ABHD18: variants seen among roughly 807,000 people sequenced by gnomAD.
ABHD18 encodes cardiolipin-specific deacylase, mitochondrial.
ABHD18 carries 55 observed loss-of-function variants against 65.9 expected under a neutral mutation model. The observed-to-expected ratio is 0.84, with a 90% CI of 0.67 to 1.05. ABHD18 has a LOEUF of 1.05. Ranked by LOEUF, ABHD18 falls within the 50% of genes least tolerant of loss-of-function variation. The pLI is 0.00. For missense variants in ABHD18, 533 were observed against 558.5 expected (o/e 0.95, Z 0.46); for synonymous variants, 181 against 180.2 (o/e 1.00, Z -0.04).
chr4:128,020,602 G>A (rs985320444), intron 9 of ABHD18, among the ~76,000 whole-genome samples: 55 of 152,136 alleles, frequency 3.6e-4, no homozygotes, highest in African/African-American at 1.1e-3. Context: ...AGCAGAAACC[G>A]CATTGTTTAT....
chr4:128,021,172 G>A lies in ABHD18; in HGVS notation c.735G>A (p.Leu245=). The A allele has an allele frequency of 6.5e-7, 1 of 1,548,422 alleles. No individual in the cohort carries two copies. Among genetic ancestry groups the A allele is most frequent in the Non-Finnish European group, 8.7e-7 (1 of 1,145,224 alleles). The stretch of plus-strand genomic sequence containing the variant: ...GTAAATCAATTAATTGGAGGGAGCT[G>A]GAAAAGCAATATTATACCCAGACAG... ...VLSKSINWRE[L]EKQYYTQTVY... Residue 245 remains leucine, a synonymous_variant, in exon 10 of 13, where the codon CTG becomes CTA. Transcript: ENST00000645843.
At chr4:127,974,547 A>G (rs1470380631) in intron 1 of ABHD18, among the ~76,000 whole-genome samples, 2 of 151,064 alleles carry the variant, frequency 1.3e-5, no homozygotes, top group African/African-American at 2.4e-5. Context: ...AATTTTTTGT[A>G]TTTATTGTAG....
rs140238890 is a variant in ABHD18 at position 127,998,588 on chromosome 4, G to T, written c.278+8767G>T. ...CTGGATCTCACTGTTGGCCAAGCTGGTCTCAAACTCCTGGACTGAAGTGAT... is the reference window on the plus strand; with the variant it reads ...CTGGATCTCACTGTTGGCCAAGCTGTTCTCAAACTCCTGGACTGAAGTGAT... On this transcript the variant is annotated intron_variant, in intron 4 of 12. Transcript: ENST00000645843. 1.4e-3 allele frequency among the ~76,000 whole-genome samples: 218 copies of T among 150,952 alleles called. 1 individual carries two copies. Among genetic ancestry groups the T allele is most frequent in the African/African-American group, 4.6e-3 (187 of 41,096 alleles).
At chr4:128,011,609 G>C in intron 6 of ABHD18, 64 bp from the exon 7 acceptor site, 1 of 1,251,924 alleles carries the variant, frequency 8.0e-7, no homozygotes. Context: ...ACTATTTAAT[G>C]TACTCTCAGA....
At chr4:127,989,937 AGGC>A in intron 4 of ABHD18, 116 bp downstream of exon 4, 1 of 572,190 alleles carries the variant, frequency 1.7e-6, no homozygotes, top group East Asian at 2.9e-5. Context: ...ATTATTGAAA[AGGC>A]TGAATTAGAA....
Position 128,020,094 on chromosome 4 carries a change from G to A in ABHD18, c.624G>A (p.Ala208=), listed in dbSNP as rs758965554. 2.5e-5 allele frequency: 41 copies of A among 1,612,272 alleles called. 1 individual carries two copies. The highest frequency in any genetic ancestry group is 1.2e-4 in the South Asian group (11 of 90,846). The change falls in exon 9 of 13, where the codon GCG becomes GCA. Residue 208 remains alanine, a synonymous_variant. Coordinates refer to ENST00000645843, the MANE Select transcript of ABHD18 (RefSeq NM_001358451.3). ...TTATATTACAGATGGCTTCCTTAGC[G>A]GTATCCAACTGGCCTAAGCCCATGC... ...ISMGGHMASL[A]VSNWPKPMPL...
chr4:127,994,850 G>A (rs1751481664), intron 4 of ABHD18, among the ~76,000 whole-genome samples: 1 of 151,884 alleles, frequency 6.6e-6, no homozygotes, highest in South Asian at 2.1e-4. Context: ...AAATATTTAG[G>A]GATAAAGCAC....
chr4:127,965,686 G>A, intron 1 of ABHD18, 80 bp downstream of exon 1: 1 of 174,334 alleles, frequency 5.7e-6, no homozygotes, highest in Non-Finnish European at 1.3e-5. Context: ...GCGCCTGGAG[G>A]CAGGGACCGG....
chr4:127,989,722 T>C lies in ABHD18; in HGVS notation c.179T>C (p.Ile60Thr). Residue 60 changes from isoleucine to threonine, a missense_variant and splice_region_variant, in exon 4 of 13, where the codon ATT becomes ACT. Ile to Thr is a moderately conservative substitution (Grantham distance 89). Around this residue, in one of 3 missense-constraint regions of ABHD18, gnomAD observed 309 missense variants for 313.5 expected, o/e 0.99. Transcript: ENST00000645843. ...ATCTTGGTTTTGATTTTCTTTTAGATTGAAGAGCAATCAGATTGTAAGATC... is the reference window on the plus strand; with the variant it reads ...ATCTTGGTTTTGATTTTCTTTTAGACTGAAGAGCAATCAGATTGTAAGATC... ...SSDYPVHIDK[I>T]EEQSDCKILD... 1.3e-6 allele frequency: 2 copies of C among 1,573,428 alleles called. No homozygotes were observed. Among genetic ancestry groups the C allele is most frequent in the Non-Finnish European group, 1.7e-6 (2 of 1,159,248 alleles).
intron 4 of ABHD18, chr4:128,001,837 T>A: frequency 7.3e-7 from 1 of 1,361,922 alleles, no homozygotes; most frequent in Non-Finnish European, 9.5e-7. Context: ...TTGAGTTTTG[T>A]TTTGTTTTGT....
At chr4:127,998,579 G>A (rs1188473538) in intron 4 of ABHD18, among the ~76,000 whole-genome samples, 1 of 150,664 alleles carries the variant, frequency 6.6e-6, no homozygotes, top group Admixed American at 6.6e-5. Flanking sequence ...CTCACTGTTG[G>A]CCAAGCTGGT....
At position 128,039,612 on chromosome 4, in the gene ABHD18, CATAAAG is replaced by C. The variant is rs1260476489; in HGVS notation, c.*3804_*3809del. ...ATTTTTGTAATGTGGTGCTTTCTCT[CATAAAG>C]ATAATTGAATTGTTAACACTGTAAT... is the stretch of plus-strand genomic sequence containing the variant. On this transcript the variant is annotated 3_prime_UTR_variant, in exon 13 of 13. Coordinates refer to ENST00000645843, the MANE Select transcript of ABHD18 (RefSeq NM_001358451.3). 1 of 152,062 alleles carries C rather than the reference CATAAAG, an allele frequency of 6.6e-6. No homozygotes were observed. Among genetic ancestry groups the C allele is most frequent in the Non-Finnish European group, 1.5e-5 (1 of 68,008 alleles). The allele number at this position is 152,062 out of a possible 1,614,324, so 9.4% of individuals were successfully genotyped here.
intron 1 of ABHD18, among the ~76,000 whole-genome samples, chr4:127,967,942 C>T (rs1039443888): frequency 3.3e-5 from 5 of 152,156 alleles, no homozygotes; most frequent in Non-Finnish European, 7.4e-5. Flanking sequence ...AAACAAACAG[C>T]CGGGCGCGGT....
intron 12 of ABHD18, among the ~76,000 whole-genome samples, chr4:128,035,208 C>T (rs1247814518): frequency 3.3e-5 from 5 of 151,704 alleles, no homozygotes; most frequent in South Asian, 2.1e-4. Flanking sequence ...TGTGTGCGTG[C>T]GTGTATGTAT....
intron 4 of ABHD18, among the ~76,000 whole-genome samples, chr4:128,005,525 T>G (rs1560882081): frequency 6.6e-6 from 1 of 152,200 alleles, no homozygotes; most frequent in Non-Finnish European, 1.5e-5. Context: ...TACAGTGGCC[T>G]GATCACAGCT....
chr4:128,028,738 C>A lies in ABHD18; in HGVS notation c.1065C>A (p.Asn355Lys). ...ACAAAAGTGGTTATACAAGTCGCAACCCTCAGTCATACCACCTACTTAGTA... is the reference window on the plus strand; with the variant it reads ...ACAAAAGTGGTTATACAAGTCGCAAACCTCAGTCATACCACCTACTTAGTA... ...STNKSGYTSRNPQSYHLLSKE... is the reference protein window; with the variant it reads ...STNKSGYTSRKPQSYHLLSKE... Residue 355 changes from asparagine (N) to lysine (K), a missense_variant, in exon 11 of 13, where the codon AAC becomes AAA. Asn to Lys is a moderately conservative substitution (Grantham distance 94). Around this residue, in one of 3 missense-constraint regions of ABHD18, gnomAD observed 220 missense variants for 226.8 expected, o/e 0.97. Transcript: ENST00000645843. The A allele has an allele frequency of 6.2e-7, 1 of 1,613,904 alleles. No individual in the cohort carries two copies. Among genetic ancestry groups the A allele is most frequent in the Non-Finnish European group, 8.5e-7 (1 of 1,179,862 alleles).
At chr4:128,019,954 G>A (rs748732184) in intron 8 of ABHD18, 126 bp from the exon 9 acceptor site, 4 of 542,580 alleles carry the variant, frequency 7.4e-6, no homozygotes, top group Non-Finnish European at 1.3e-5. Flanking sequence ...ACATTCTCAC[G>A]AATGTTTGCA....
intron 3 of ABHD18, among the ~76,000 whole-genome samples, chr4:127,988,782 G>T (rs1213832102): frequency 1.3e-5 from 2 of 152,166 alleles, no homozygotes; most frequent in African/African-American, 4.8e-5. Flanking sequence ...ATTGAAAGCT[G>T]GTGAGGATCT....
At chr4:128,009,422 T>A (rs1191491962) in intron 6 of ABHD18, 1 of 317,372 alleles carries the variant, frequency 3.2e-6, no homozygotes, top group African/African-American at 2.1e-5. Flanking sequence ...GTACTTCCAT[T>A]TCTTGGGAGA....
Sources: allele counts gnomAD v4.1 joint callset (sites outside exome capture counted in the v4.1 genomes callset), GRCh38; gene constraint gnomAD v4.1.1; regional missense constraint gnomAD v4.1.1; transcripts MANE v1.5; gene names NCBI Gene and HGNC (gene_info 2026-07-23, HGNC 2026-07-21).